GRID2: variants seen among roughly 807,000 people sequenced by gnomAD.
GRID2 encodes the protein glutamate receptor ionotropic, delta-2.
GRID2 carries 33 observed loss-of-function variants against 114.8 expected under a neutral mutation model. The observed-to-expected ratio is 0.29, with a 90% CI of 0.22 to 0.38. The LOEUF is 0.38. GRID2 is among the 10% of genes least tolerant of loss of function. The pLI is 1.00. For missense variants in GRID2, 1,184 were observed against 1,257.7 expected (o/e 0.94, Z 0.89); for synonymous variants, 505 against 449.9 (o/e 1.12, Z -1.55).
intron 2 of GRID2, among the ~76,000 whole-genome samples, chr4:92,793,998 G>C (rs184328512): frequency 6.6e-6 from 1 of 152,104 alleles, no homozygotes; most frequent in Admixed American, 6.6e-5. Flanking sequence ...ACACATTAGA[G>C]TGTAGGGGCA....
intron 9 of GRID2, among the ~76,000 whole-genome samples, chr4:93,399,263 CCT>C (rs1415645691): frequency 6.6e-6 from 1 of 151,996 alleles, no homozygotes; most frequent in Non-Finnish European, 1.5e-5. Context: ...CTACCCACTC[CCT>C]CTTTTCTTAA....
At chr4:93,703,546 C>T (rs191311103) in intron 14 of GRID2, among the ~76,000 whole-genome samples, 1 of 151,932 alleles carries the variant, frequency 6.6e-6, no homozygotes, top group Non-Finnish European at 1.5e-5. Flanking sequence ...GCACAACGTG[C>T]AGGTTAGTTA....
intron 2 of GRID2, among the ~76,000 whole-genome samples, chr4:92,779,900 G>A (rs544109719): frequency 4.3e-4 from 65 of 152,068 alleles, no homozygotes; most frequent in African/African-American, 1.5e-3. Context: ...TTTGTTTAGG[G>A]GAATATGTTC....
At chr4:92,436,085 A>C (rs1732721580) in intron 1 of GRID2, among the ~76,000 whole-genome samples, 1 of 152,190 alleles carries the variant, frequency 6.6e-6, no homozygotes, top group Admixed American at 6.5e-5. Context: ...ATGTCTTCAT[A>C]GTGAAAGGAA....
At chr4:93,397,265 A>G (rs1301450724) in intron 9 of GRID2, among the ~76,000 whole-genome samples, 1 of 152,022 alleles carries the variant, frequency 6.6e-6, no homozygotes, top group Non-Finnish European at 1.5e-5. Context: ...CTTTTGGTAA[A>G]TAATTGTAAG....
intron 1 of GRID2, among the ~76,000 whole-genome samples, chr4:92,419,933 T>C (rs1476451237): frequency 6.6e-6 from 1 of 152,144 alleles, no homozygotes; most frequent in Admixed American, 6.6e-5. Context: ...GCTGTTGTTC[T>C]CTGAAAATAT....
chr4:92,421,858 G>C (rs949324422), intron 1 of GRID2, among the ~76,000 whole-genome samples: 1 of 152,116 alleles, frequency 6.6e-6, no homozygotes, highest in Non-Finnish European at 1.5e-5. Context: ...AGAGCCAATA[G>C]TTCAAATCTG....
intron 2 of GRID2, 59 bp from the exon 3 acceptor site, chr4:93,084,936 A>G (rs1730196852): frequency 2.8e-6 from 4 of 1,412,812 alleles, no homozygotes; most frequent in East Asian, 2.3e-5. Context: ...GTGCTTCTCA[A>G]AAAGGGAAAA....
At chr4:92,997,895 C>T (rs1755299294) in intron 2 of GRID2, among the ~76,000 whole-genome samples, 1 of 151,842 alleles carries the variant, frequency 6.6e-6, no homozygotes, top group Admixed American at 6.6e-5. Context: ...AACAGCAAAA[C>T]ATAATGAAAT....
intron 2 of GRID2, among the ~76,000 whole-genome samples, chr4:92,918,396 G>T: frequency 6.6e-6 from 1 of 152,156 alleles, no homozygotes; most frequent in Non-Finnish European, 1.5e-5. Context: ...ATGTTGAATA[G>T]GAGTGGTGAG....
intron 2 of GRID2, among the ~76,000 whole-genome samples, chr4:92,821,726 T>G (rs551719385): frequency 2.0e-5 from 3 of 152,280 alleles, no homozygotes; most frequent in Admixed American, 1.3e-4. Context: ...TTAAGTAATA[T>G]TCTCTCAATC....
intron 2 of GRID2, among the ~76,000 whole-genome samples, chr4:92,853,549 A>AGACACAT (rs1451499381): frequency 2.6e-5 from 4 of 152,032 alleles, no homozygotes; most frequent in African/African-American, 9.7e-5. Flanking sequence ...CATAAAATAA[A>AGACACAT]GACACATGAC....
chr4:92,807,050 T>G (rs1262585419), intron 2 of GRID2, among the ~76,000 whole-genome samples: 2 of 152,014 alleles, frequency 1.3e-5, no homozygotes, highest in Non-Finnish European at 2.9e-5. Context: ...TTTATTCTCT[T>G]GCAATTGTAA....
At chr4:93,189,970 G>T (rs1740828010) in intron 4 of GRID2, among the ~76,000 whole-genome samples, 1 of 151,954 alleles carries the variant, frequency 6.6e-6, no homozygotes, top group South Asian at 2.1e-4. Context: ...CACCAGTATT[G>T]GTGGTTTTAA....
intron 13 of GRID2, among the ~76,000 whole-genome samples, chr4:93,521,438 A>G (rs182111983): frequency 6.6e-6 from 1 of 152,274 alleles, no homozygotes; most frequent in Non-Finnish European, 1.5e-5. Flanking sequence ...AAAACAAGAG[A>G]GAGTAAGTGG....
At chr4:93,686,207 G>A (rs1726065038) in intron 14 of GRID2, among the ~76,000 whole-genome samples, 1 of 151,892 alleles carries the variant, frequency 6.6e-6, no homozygotes, top group South Asian at 2.1e-4. Context: ...CCTAGCAGAT[G>A]CCTTTGAGTC....
chr4:92,646,034 G>A (rs902082189), intron 2 of GRID2, among the ~76,000 whole-genome samples: 1 of 151,700 alleles, frequency 6.6e-6, no homozygotes, highest in South Asian at 2.1e-4. Context: ...TTTCCATCTT[G>A]ATTGCACTGT....
chr4:93,341,471 C>A (rs1049018654), intron 8 of GRID2, among the ~76,000 whole-genome samples: 1 of 151,980 alleles, frequency 6.6e-6, no homozygotes, highest in Non-Finnish European at 1.5e-5. Flanking sequence ...TACAGGTGCC[C>A]GCCACCACGC....
intron 8 of GRID2, among the ~76,000 whole-genome samples, chr4:93,239,215 TACAC>T (rs934650018): frequency 6.8e-6 from 1 of 147,668 alleles, no homozygotes; most frequent in Non-Finnish European, 1.5e-5. Flanking sequence ...TATACACATA[TACAC>T]ACACACACAT....
Sources: gnomAD v4.1 joint callset for allele counts (sites outside exome capture counted in the v4.1 genomes callset) on GRCh38, gnomAD v4.1.1 for gene constraint, MANE v1.5 for transcripts, NCBI Gene and HGNC (gene_info 2026-07-23, HGNC 2026-07-21) for gene names.